The following TENM2 variants were observed in gnomAD, a reference collection of about 807,000 sequenced individuals.
TENM2 encodes teneurin transmembrane protein 2.
Under a neutral mutation model 245.2 loss-of-function variants are expected in TENM2, and 52 were observed. That is an observed-to-expected ratio of 0.21 (90% CI 0.17 to 0.27). The LOEUF (loss-of-function observed/expected upper bound fraction) is 0.27. TENM2 is among the 10% of genes least tolerant of loss of function. TENM2 has a pLI of 1.00. For missense variants in TENM2, 3,046 were observed against 3,666.8 expected (o/e 0.83, Z 4.37); for synonymous variants, 1,363 against 1,438.9 (o/e 0.95, Z 1.19).
chr5:167,053,952 T>C, the TENM2 span, among the ~76,000 whole-genome samples: 4 of 152,178 alleles, frequency 2.6e-5, no homozygotes, highest in Non-Finnish European at 5.9e-5. Flanking sequence ...AGTTCCCATA[T>C]ACCTATTCTC....
At chr5:167,097,404 T>A in the TENM2 span, among the ~76,000 whole-genome samples, 1 of 152,206 alleles carries the variant, frequency 6.6e-6, no homozygotes, top group East Asian at 1.9e-4. Flanking sequence ...ATGCTGTTAA[T>A]GGATAATGAA....
chr5:168,194,271 C>A (rs1211739636), intron 14 of TENM2, among the ~76,000 whole-genome samples: 1 of 152,114 alleles, frequency 6.6e-6, no homozygotes, highest in Non-Finnish European at 1.5e-5. Flanking sequence ...TCTGTGAAGT[C>A]AAGAGAATTC....
At chr5:167,334,519 G>A (rs1031338229) in intron 1 of TENM2, among the ~76,000 whole-genome samples, 5 of 152,254 alleles carry the variant, frequency 3.3e-5, no homozygotes, top group African/African-American at 1.2e-4. Flanking sequence ...TTTCTAGGTA[G>A]ACAATGTACT....
intron 2 of TENM2, among the ~76,000 whole-genome samples, chr5:167,799,124 C>T (rs1765522358): frequency 6.6e-6 from 1 of 152,192 alleles, no homozygotes; most frequent in Non-Finnish European, 1.5e-5. Flanking sequence ...CATCTGGTCT[C>T]CAACCCTCCC....
chr5:167,319,019 A>C (rs185296767), intron 1 of TENM2, among the ~76,000 whole-genome samples: 149 of 152,220 alleles, frequency 9.8e-4, no homozygotes, highest in African/African-American at 3.4e-3. Flanking sequence ...GCTTTCTTTT[A>C]TGGGATATTT....
intron 5 of TENM2, among the ~76,000 whole-genome samples, chr5:168,046,190 G>A (rs1788590825): frequency 6.6e-6 from 1 of 152,164 alleles, no homozygotes; most frequent in African/African-American, 2.4e-5. Flanking sequence ...TTTACGTGGT[G>A]GTAGGCATGC....
At chr5:167,674,672 CCTCTTGGGGT>C (rs976140402) in intron 2 of TENM2, among the ~76,000 whole-genome samples, 2 of 152,074 alleles carry the variant, frequency 1.3e-5, no homozygotes, top group African/African-American at 4.8e-5. Flanking sequence ...ATAGCACCCC[CCTCTTGGGGT>C]GGATCAAGTG....
intron 27 of TENM2, among the ~76,000 whole-genome samples, chr5:168,253,681 T>A (rs1169063649): frequency 6.6e-6 from 1 of 152,012 alleles, no homozygotes; most frequent in Non-Finnish European, 1.5e-5. Flanking sequence ...CGCCTCGGCC[T>A]CCCAAAGTGC....
intron 5 of TENM2, among the ~76,000 whole-genome samples, chr5:168,004,422 C>G (rs868040979): frequency 6.6e-6 from 1 of 151,868 alleles, no homozygotes; most frequent in African/African-American, 2.4e-5. Flanking sequence ...TATGCTGAGG[C>G]CATGGCTAGT....
chr5:167,592,692 G>A (rs1775958618), intron 2 of TENM2, among the ~76,000 whole-genome samples: 1 of 152,086 alleles, frequency 6.6e-6, no homozygotes, highest in Non-Finnish European at 1.5e-5. Context: ...AAAGCTTTTG[G>A]TATTGTGCTA....
chr5:167,947,977 C>T (rs1779769983), intron 3 of TENM2, among the ~76,000 whole-genome samples: 1 of 152,178 alleles, frequency 6.6e-6, no homozygotes, highest in African/African-American at 2.4e-5. Flanking sequence ...CCCACCCCAT[C>T]TATTTGTCGA....
the TENM2 span, among the ~76,000 whole-genome samples, chr5:167,137,764 T>C: frequency 6.6e-6 from 1 of 152,230 alleles, no homozygotes; most frequent in Non-Finnish European, 1.5e-5. Context: ...TACTGGCTTG[T>C]TAACTTTAAT....
intron 2 of TENM2, among the ~76,000 whole-genome samples, chr5:167,822,301 T>C (rs1308031228): frequency 6.6e-6 from 1 of 152,178 alleles, no homozygotes; most frequent in Non-Finnish European, 1.5e-5. Flanking sequence ...TTAAACCTGT[T>C]TTAAACATGC....
At chr5:167,662,905 A>G (rs1198635584) in intron 2 of TENM2, among the ~76,000 whole-genome samples, 1 of 152,192 alleles carries the variant, frequency 6.6e-6, no homozygotes, top group Non-Finnish European at 1.5e-5. Flanking sequence ...GACACAGTCA[A>G]GTTTGAGAAG....
intron 2 of TENM2, among the ~76,000 whole-genome samples, chr5:167,768,675 G>C (rs915205686): frequency 6.6e-6 from 1 of 152,278 alleles, no homozygotes; most frequent in East Asian, 1.9e-4. Context: ...TGTGTGACCT[G>C]GGATTATTTA....
At position 167,872,548 on chromosome 5, in the gene TENM2, G is replaced by GAGAAAGAA. The variant is rs144381538; in HGVS notation, c.503-3410_503-3403dup. On this transcript the variant is annotated intron_variant, in intron 2 of 28. Transcript: ENST00000518659. ...AGAAAGAAAGAAAGAAAGAAAGAAA[G>GAGAAAGAA]AGAAAGAAAGAAAGAAAGAAAGAAA... Among the ~76,000 whole-genome samples the GAGAAAGAA allele has an allele frequency of 7.1e-3, 468 of 65,468 alleles. 7 individuals are homozygous for GAGAAAGAA. The highest frequency in any genetic ancestry group is 0.016 in the Admixed American group (115 of 7,276). 42.9% of individuals were successfully genotyped at this position (65,468 alleles called of 152,430 possible).
intron 2 of TENM2, among the ~76,000 whole-genome samples, chr5:167,596,958 AC>A (rs1265147201): frequency 6.6e-6 from 1 of 152,064 alleles, no homozygotes; most frequent in African/African-American, 2.4e-5. Context: ...TCCCAAGAGC[AC>A]CTGTAGGGGA....
At chr5:168,180,966 G>A (rs759567006) in intron 13 of TENM2, among the ~76,000 whole-genome samples, 4 of 152,124 alleles carry the variant, frequency 2.6e-5, no homozygotes, top group Non-Finnish European at 2.9e-5. Flanking sequence ...AGTACGTCTG[G>A]GTTGATGGCA....
At chr5:167,611,854 A>G (rs1045314191) in intron 2 of TENM2, among the ~76,000 whole-genome samples, 2 of 152,022 alleles carry the variant, frequency 1.3e-5, no homozygotes, top group Non-Finnish European at 2.9e-5. Flanking sequence ...CTTCTCCCTC[A>G]TGACCTAATC....
Sources: allele counts gnomAD v4.1 joint callset (sites outside exome capture counted in the v4.1 genomes callset), GRCh38; gene constraint gnomAD v4.1.1; transcripts MANE v1.5; gene names NCBI Gene and HGNC (gene_info 2026-07-23, HGNC 2026-07-21).